The following IL33 variants were observed in gnomAD, a reference collection of about 807,000 sequenced individuals.
IL33 encodes the protein interleukin-33.
In IL33, 37 loss-of-function variants were observed where a neutral mutation model predicts 27.3. That is an observed-to-expected ratio of 1.36 (90% confidence interval 1.04 to 1.78). IL33 has a LOEUF of 1.78. Ranked by LOEUF, IL33 falls within the 40% of genes most tolerant of loss-of-function variation. The pLI, the probability that IL33 is intolerant of heterozygous loss-of-function variation, is 0.00. For synonymous variants in IL33, 132 were observed against 102.9 expected (o/e 1.28, Z -1.71); for missense variants, 406 against 311.4 (o/e 1.30, Z -2.29).
In IL33 at chr9:6,253,005, T is replaced by G; in HGVS notation, c.469+14T>G. Reference sequence around the variant, plus strand: ...ATGAAAAGAAAGGTAGATTATTTTCTTTTTCTATAATAATGTAATAATGAC... The same window carrying G: ...ATGAAAAGAAAGGTAGATTATTTTCGTTTTCTATAATAATGTAATAATGAC... On this transcript the variant is annotated intron_variant, in intron 5 of 7. Transcript: ENST00000682010. 6.9e-7 allele frequency: 1 copy of G among 1,443,212 alleles called. No homozygotes were observed. The allele number at this position is 1,443,212 out of a possible 1,614,324, so 89.4% of individuals were successfully genotyped here. A position where few individuals can be genotyped will look rare whatever the true frequency, so the allele number is the denominator to read the frequency against.
chr9:6,245,539 T>G (rs756987472), intron 2 of IL33, among the ~76,000 whole-genome samples: 2 of 152,096 alleles, frequency 1.3e-5, no homozygotes, highest in Non-Finnish European at 2.9e-5. Context: ...ATGATAGTAG[T>G]GTGATGATAA....
intron 1 of IL33, among the ~76,000 whole-genome samples, chr9:6,232,156 A>C (rs1260643370): frequency 6.6e-6 from 1 of 152,202 alleles, no homozygotes; most frequent in Non-Finnish European, 1.5e-5. Context: ...AGCTGATCAG[A>C]TGTAGATAAT....
intron 1 of IL33, among the ~76,000 whole-genome samples, 182 bp from the exon 2 acceptor site, chr9:6,241,502 T>C (rs768657208): frequency 6.6e-6 from 1 of 152,348 alleles, no homozygotes; most frequent in East Asian, 1.9e-4. Context: ...AGCCTCATTA[T>C]GCAGTGCAGA....
intron 1 of IL33, among the ~76,000 whole-genome samples, chr9:6,236,846 G>A (rs936358349): frequency 6.6e-6 from 1 of 152,162 alleles, no homozygotes; most frequent in Admixed American, 6.5e-5. Flanking sequence ...ACTCCAGCCT[G>A]GGCAGCAGAG....
chr9:6,252,341 T>C (rs899990671), intron 4 of IL33, among the ~76,000 whole-genome samples: 2 of 151,986 alleles, frequency 1.3e-5, no homozygotes, highest in Non-Finnish European at 1.5e-5. Flanking sequence ...AAAAATATTA[T>C]CATTTTCTAT....
At chr9:6,245,355 G>C (rs1351192027) in intron 2 of IL33, among the ~76,000 whole-genome samples, 1 of 152,196 alleles carries the variant, frequency 6.6e-6, no homozygotes, top group Non-Finnish European at 1.5e-5. Flanking sequence ...CATGGCAATA[G>C]TTGGCTAGAA....
intron 2 of IL33, among the ~76,000 whole-genome samples, chr9:6,244,662 C>T (rs1042069465): frequency 2.0e-5 from 3 of 152,266 alleles, no homozygotes; most frequent in Non-Finnish European, 4.4e-5. Context: ...TGCACTAAAA[C>T]TGTGATTATT....
intron 1 of IL33, among the ~76,000 whole-genome samples, chr9:6,229,140 G>A (rs1328505142): frequency 6.6e-6 from 1 of 152,120 alleles, no homozygotes; most frequent in Non-Finnish European, 1.5e-5. Flanking sequence ...CAGGAGCACA[G>A]GAAAGAGTCA....
intron 2 of IL33, chr9:6,242,141 C>G (rs984972053): frequency 6.2e-6 from 1 of 160,188 alleles, no homozygotes; most frequent in African/African-American, 2.4e-5. Flanking sequence ...AACTTTTAAG[C>G]AGGTCCACTT....
chr9:6,237,529 G>A (rs920905590), intron 1 of IL33, among the ~76,000 whole-genome samples: 3 of 152,062 alleles, frequency 2.0e-5, no homozygotes, highest in Non-Finnish European at 2.9e-5. Context: ...TTCCAAGTGC[G>A]TTCTCTCAAA....
chr9:6,236,298 A>T (rs947260953), intron 1 of IL33, among the ~76,000 whole-genome samples: 2 of 152,204 alleles, frequency 1.3e-5, no homozygotes, highest in African/African-American at 2.4e-5. Flanking sequence ...TTTTAAATAA[A>T]AGAGATGTGT....
chr9:6,223,984 A>G (rs578031856), intron 1 of IL33, among the ~76,000 whole-genome samples: 7 of 152,190 alleles, frequency 4.6e-5, no homozygotes, highest in Non-Finnish European at 1.0e-4. Flanking sequence ...AAAGGAGTAG[A>G]AGCCAAGAAG....
At chr9:6,222,769 C>A (rs1334804929) in intron 1 of IL33, among the ~76,000 whole-genome samples, 1 of 152,024 alleles carries the variant, frequency 6.6e-6, no homozygotes, top group Non-Finnish European at 1.5e-5. Flanking sequence ...TTTCAGGCAG[C>A]AATTTCTTTT....
chr9:6,251,323 C>T (rs1164061793), intron 4 of IL33, 58 bp downstream of exon 4: 8 of 1,598,100 alleles, frequency 5.0e-6, no homozygotes, highest in East Asian at 2.3e-5. Context: ...CACAGGACCC[C>T]GGAAAGTGCT....
At chr9:6,220,424 G>A (rs1018282190) in intron 1 of IL33, among the ~76,000 whole-genome samples, 1 of 152,176 alleles carries the variant, frequency 6.6e-6, no homozygotes, top group Non-Finnish European at 1.5e-5. Flanking sequence ...TGTGTCTGCT[G>A]TGCTCAAATC....
At chr9:6,247,393 C>A (rs982104957) in intron 2 of IL33, among the ~76,000 whole-genome samples, 1 of 152,116 alleles carries the variant, frequency 6.6e-6, no homozygotes, top group Admixed American at 6.5e-5. Context: ...TAAGAAGACA[C>A]CTTGGTAAAA....
At chr9:6,223,540 G>A (rs1429109696) in intron 1 of IL33, among the ~76,000 whole-genome samples, 1 of 150,730 alleles carries the variant, frequency 6.6e-6, no homozygotes, top group Admixed American at 6.6e-5. Context: ...ACATATCCAT[G>A]TTATACTAAA....
Position 6,255,953 on chromosome 9 carries a change from CTCTT to C in IL33, c.613-14_613-11del. 6.2e-7 allele frequency: 1 copy of C among 1,610,926 alleles called. No homozygotes were observed. The highest frequency in any genetic ancestry group is 2.2e-5 in the East Asian group (1 of 44,846). On this transcript the variant is annotated splice_polypyrimidine_tract_variant and intron_variant, in intron 7 of 7. Transcript: ENST00000682010. ...CCCATTCACATATGGATTGCTTTCT[CTCTT>C]GTTTCCTCAGCTCCATAAGTGTGAA...
At chr9:6,248,782 T>G (rs1003942188) in intron 2 of IL33, among the ~76,000 whole-genome samples, 1 of 151,916 alleles carries the variant, frequency 6.6e-6, no homozygotes, top group Non-Finnish European at 1.5e-5. Context: ...TCTTACTGTG[T>G]TGCCCAGGCT....
Sources: gnomAD v4.1 joint callset for allele counts (sites outside exome capture counted in the v4.1 genomes callset) on GRCh38, gnomAD v4.1.1 for gene constraint, MANE v1.5 for transcripts, NCBI Gene and HGNC (gene_info 2026-07-23, HGNC 2026-07-21) for gene names.